Variants in RAB5IF observed in about 807,000 individuals in gnomAD.
The protein encoded by RAB5IF is GEL complex subunit OPTI.
In RAB5IF, 15 loss-of-function variants were observed where a neutral mutation model predicts 20.3. The observed-to-expected ratio is 0.74, with a 90% CI of 0.50 to 1.14. The LOEUF is 1.14. RAB5IF is among the 50% of genes most tolerant of loss of function. The probability of loss-of-function intolerance (pLI) is 0.00; values close to 1 mark genes in which losing one functional copy is unlikely to be tolerated. For missense variants in RAB5IF, 148 were observed against 159.5 expected (o/e 0.93, Z 0.39); for synonymous variants, 67 against 63.7 (o/e 1.05, Z -0.25).
At position 36,609,211 on chromosome 20, in the gene RAB5IF, G is replaced by T. The variant is rs1291175; in HGVS notation, c.219-390G>T. ...CACACACACGCACACACGCACACACGCACACACGCACACACACACACACAC... is the reference window on the plus strand; with the variant it reads ...CACACACACGCACACACGCACACACTCACACACGCACACACACACACACAC... On this transcript the variant is annotated intron_variant, in intron 2 of 3. Coordinates refer to ENST00000344795, the MANE Select transcript of RAB5IF (RefSeq NM_018840.5). Among the ~76,000 whole-genome samples, 3 of 36,628 alleles carry T rather than the reference G, an allele frequency of 8.2e-5. 1 individual carries two copies. The highest frequency in any genetic ancestry group is 2.3e-4 in the African/African-American group (2 of 8,560). The allele number at this position is 36,628 out of a possible 152,430, so 24.0% of individuals were successfully genotyped here.
chr20:36,605,993 G>C lies in RAB5IF; in HGVS notation c.42G>C (p.Gln14His). Reference protein sequence around the residue: ...GRRKEEPPQPQLANGALKVSV... With the variant: ...GRRKEEPPQPHLANGALKVSV... ...GGAAGGAGGAGCCGCCTCAGCCGCAGCTGGCCAACGGGGCCCTCAAAGTCT... is the reference window on the plus strand; with the variant it reads ...GGAAGGAGGAGCCGCCTCAGCCGCACCTGGCCAACGGGGCCCTCAAAGTCT... The change falls in exon 1 of 4, where the codon CAG becomes CAC. Residue 14 changes from glutamine (Q) to histidine (H), a missense_variant. Gln to His is a conservative substitution (Grantham distance 24). Transcript: ENST00000344795. 6.6e-7 allele frequency: 1 copy of C among 1,525,256 alleles called. No individual in the cohort carries two copies. 94.5% of individuals were successfully genotyped at this position (1,525,256 alleles called of 1,614,324 possible).
At chr20:36,607,359 G>C (rs2038959248) in intron 1 of RAB5IF, among the ~76,000 whole-genome samples, 1 of 149,334 alleles carries the variant, frequency 6.7e-6, no homozygotes. Context: ...CTCCCAAGTA[G>C]CTGGGATTAA....
At chr20:36,608,052 T>G (rs1023064309) in intron 2 of RAB5IF, 1 of 1,165,720 alleles carries the variant, frequency 8.6e-7, no homozygotes, top group Non-Finnish European at 1.2e-6. Flanking sequence ...GTCCATTCAT[T>G]CATGGGTCTA....
chr20:36,611,896 C>G, intron 3 of RAB5IF, 114 bp from the exon 4 acceptor site: 1 of 1,376,006 alleles, frequency 7.3e-7, no homozygotes, highest in Non-Finnish European at 1.0e-6. Context: ...GACTGTGCAA[C>G]GGATAGCCCC....
chr20:36,609,221 A>G (rs2039035215), intron 2 of RAB5IF, among the ~76,000 whole-genome samples: 1 of 115,226 alleles, frequency 8.7e-6, no homozygotes, highest in Non-Finnish European at 1.7e-5. Context: ...GCACACACGC[A>G]CACACACACA....
At chr20:36,609,156 T>TACATACATACATATATACACACAC in intron 2 of RAB5IF, among the ~76,000 whole-genome samples, 15 of 17,052 alleles carry the variant, frequency 8.8e-4, no homozygotes, top group Non-Finnish European at 1.2e-3. Context: ...AGAACTATAT[T>TACATACATACATATATACACACAC]ACACACACAC....
chr20:36,609,258 A>ACACAC (rs1555790847), intron 2 of RAB5IF, among the ~76,000 whole-genome samples: 1 of 99,148 alleles, frequency 1.0e-5, no homozygotes. Flanking sequence ...CACACACACT[A>ACACAC]TATATAGAGT....
chr20:36,608,149 G>C (rs186592670), intron 2 of RAB5IF: 29 of 365,522 alleles, frequency 7.9e-5, no homozygotes, highest in African/African-American at 5.5e-4. Flanking sequence ...GCGAGTTTGG[G>C]AAGTAGGAAC....
intron 3 of RAB5IF, among the ~76,000 whole-genome samples, chr20:36,610,152 C>T (rs541898787): frequency 6.6e-6 from 1 of 152,168 alleles, no homozygotes; most frequent in African/African-American, 2.4e-5. Flanking sequence ...GGTGTAGTGG[C>T]GGGCGCCTGT....
In RAB5IF at chr20:36,605,976, G is replaced by A. The variant is rs1314354344; in HGVS notation, c.25G>A (p.Glu9Lys). ...GATGAGCGGCGGGCGGCGGAAGGAG[G>A]AGCCGCCTCAGCCGCAGCTGGCCAA... is the stretch of plus-strand genomic sequence containing the variant. MSGGRRKE[E>K]PPQPQLANGA... The change falls in exon 1 of 4, where the codon GAG becomes AAG. Residue 9 changes from glutamate to lysine, a missense_variant. Glu to Lys is a moderately conservative substitution (Grantham distance 56, BLOSUM62 1). Transcript: ENST00000344795. 2.6e-6 allele frequency: 4 copies of A among 1,516,978 alleles called. No individual in the cohort carries two copies. The highest frequency in any genetic ancestry group is 3.5e-6 in the Non-Finnish European group (4 of 1,129,524). 94.0% of individuals were successfully genotyped at this position (1,516,978 alleles called of 1,614,324 possible).
At chr20:36,609,164 C>CATACATAT in intron 2 of RAB5IF, among the ~76,000 whole-genome samples, 1 of 49,704 alleles carries the variant, frequency 2.0e-5, no homozygotes, top group East Asian at 8.6e-4. Flanking sequence ...ATTACACACA[C>CATACATAT]ACACACACAC....
intron 1 of RAB5IF, among the ~76,000 whole-genome samples, chr20:36,607,457 T>G (rs2038961153): frequency 6.6e-6 from 1 of 152,110 alleles, no homozygotes; most frequent in Non-Finnish European, 1.5e-5. Context: ...CTTGAACTCC[T>G]GACATCAGGT....
chr20:36,606,221 A>G (rs1398291921), intron 1 of RAB5IF, among the ~76,000 whole-genome samples, 156 bp downstream of exon 1: 1 of 152,174 alleles, frequency 6.6e-6, no homozygotes, highest in Non-Finnish European at 1.5e-5. Flanking sequence ...CTTGGCGGGC[A>G]CTGGGCGGAC....
Position 36,612,214 on chromosome 20 carries a change from T to C in RAB5IF, c.*163T>C. On this transcript the variant is annotated 3_prime_UTR_variant, in exon 4 of 4. Transcript: ENST00000344795. ...GGGCATCAGTGTTTTCTGCAAGGGT[T>C]GTGACCTGAAACTTTTTAAAAACCA... 1 of 1,614,134 alleles carries C rather than the reference T, an allele frequency of 6.2e-7. No homozygotes were observed. The highest frequency in any genetic ancestry group is 8.5e-7 in the Non-Finnish European group (1 of 1,179,966).
rs1172422418 is a variant in RAB5IF at position 36,609,186 on chromosome 20, C to T, written c.219-415C>T. Among the ~76,000 whole-genome samples the T allele has an allele frequency of 4.1e-4, 19 of 46,540 alleles. 1 individual carries two copies. Among genetic ancestry groups the T allele is most frequent in the Admixed American group, 6.9e-4 (3 of 4,370 alleles). The allele number at this position is 46,540 out of a possible 152,430, so 30.5% of individuals were successfully genotyped here. A position where few individuals can be genotyped will look rare whatever the true frequency, so the allele number is the denominator to read the frequency against. ...ACACACACACACACACACACACACACACACACACGCACACACGCACACACG... is the reference window on the plus strand; with the variant it reads ...ACACACACACACACACACACACACATACACACACGCACACACGCACACACG... On this transcript the variant is annotated intron_variant, in intron 2 of 3. Transcript: ENST00000344795.
At chr20:36,609,554 T>C (rs199586608) in intron 2 of RAB5IF, 47 bp from the exon 3 acceptor site, 1 of 1,539,212 alleles carries the variant, frequency 6.5e-7, no homozygotes, top group Admixed American at 2.0e-5. Context: ...GTTCTGAGTC[T>C]TCTAAGCTTT....
Position 36,612,140 on chromosome 20 carries a change from C to T in RAB5IF, c.*89C>T, listed in dbSNP as rs1411322753. The T allele has an allele frequency of 1.9e-6, 3 of 1,614,120 alleles. No homozygotes were observed. The highest frequency in any genetic ancestry group is 2.2e-5 in the South Asian group (2 of 91,078). ...ACTTGATCGTTGGGGAACCCCAGCC[C>T]CTTGGAACTTGGAAGACCCGTGTTT... On this transcript the variant is annotated 3_prime_UTR_variant, in exon 4 of 4. Coordinates refer to ENST00000344795, the MANE Select transcript of RAB5IF (RefSeq NM_018840.5).
At chr20:36,609,357 C>T (rs901626541) in intron 2 of RAB5IF, among the ~76,000 whole-genome samples, 3 of 151,774 alleles carry the variant, frequency 2.0e-5, no homozygotes, top group East Asian at 1.9e-4. Flanking sequence ...CTCCTGCCTC[C>T]ACCTCCTGAG....
chr20:36,609,866 A>G (rs1254613392), intron 3 of RAB5IF, 136 bp downstream of exon 3: 19 of 1,516,058 alleles, frequency 1.3e-5, no homozygotes, highest in Non-Finnish European at 1.6e-5. Context: ...GCTCAGGGCC[A>G]TGGCCTGTGT....
Sources: allele counts gnomAD v4.1 joint callset (sites outside exome capture counted in the v4.1 genomes callset), GRCh38; gene constraint gnomAD v4.1.1; transcripts MANE v1.5; gene names NCBI Gene and HGNC (gene_info 2026-07-23, HGNC 2026-07-21).